STXBP4: variants seen among roughly 807,000 people sequenced by gnomAD.
STXBP4 encodes syntaxin binding protein 4.
STXBP4 carries 55 observed loss-of-function variants against 76.1 expected under a neutral mutation model. The ratio of observed to expected loss-of-function variants is 0.72; its 90% confidence interval spans 0.58 to 0.91. STXBP4 has a LOEUF of 0.91. Ranked by LOEUF, STXBP4 falls within the 40% of genes least tolerant of loss-of-function variation. The pLI is 0.00. For synonymous variants in STXBP4, 201 were observed against 220.2 expected (o/e 0.91, Z 0.77); for missense variants, 618 against 636.9 (o/e 0.97, Z 0.32).
intron 8 of STXBP4, among the ~76,000 whole-genome samples, chr17:55,029,873 T>A (rs2078476400): frequency 6.6e-6 from 1 of 152,176 alleles, no homozygotes. Context: ...CATAGTTTAG[T>A]GGCTGACAAA....
At chr17:55,086,725 A>G (rs767923555) in intron 16 of STXBP4, among the ~76,000 whole-genome samples, 6 of 152,200 alleles carry the variant, frequency 3.9e-5, no homozygotes, top group Non-Finnish European at 7.3e-5. Context: ...GTGCTGCAAT[A>G]CACATGGCAG....
intron 10 of STXBP4, among the ~76,000 whole-genome samples, chr17:55,036,524 T>A (rs1475637631): frequency 6.6e-6 from 1 of 151,850 alleles, no homozygotes; most frequent in African/African-American, 2.4e-5. Context: ...ACAACCTTGT[T>A]ATACCCATTT....
At chr17:55,029,417 T>G (rs1053592788) in intron 8 of STXBP4, among the ~76,000 whole-genome samples, 3 of 152,024 alleles carry the variant, frequency 2.0e-5, no homozygotes, top group Non-Finnish European at 2.9e-5. Flanking sequence ...TAGTTTTATT[T>G]ATTGAAAATA....
chr17:55,061,711 T>C (rs1328738921), intron 12 of STXBP4, among the ~76,000 whole-genome samples: 3 of 152,248 alleles, frequency 2.0e-5, no homozygotes, highest in African/African-American at 7.2e-5. Context: ...TTCAAGAATA[T>C]TGTATAAATG....
intron 12 of STXBP4, among the ~76,000 whole-genome samples, chr17:55,054,421 G>A (rs2078899106): frequency 6.6e-6 from 1 of 152,038 alleles, no homozygotes; most frequent in Middle Eastern, 3.4e-3. Flanking sequence ...CTTGGGAGGT[G>A]GAGGCTGCAG....
At chr17:55,061,951 A>G (rs976444888) in intron 12 of STXBP4, among the ~76,000 whole-genome samples, 4 of 152,140 alleles carry the variant, frequency 2.6e-5, no homozygotes, top group Admixed American at 2.6e-4. Flanking sequence ...AGGTTGGATA[A>G]AGAGTGCATT....
chr17:55,195,353 A>G, the STXBP4 span, among the ~76,000 whole-genome samples: 1 of 152,218 alleles, frequency 6.6e-6, no homozygotes, highest in South Asian at 2.1e-4. Flanking sequence ...CCCAAATGGG[A>G]ACATTGTTTC....
chr17:55,168,012 A>AT lies in STXBP4; in HGVS notation c.*8103dup, dbSNP rs1250348205. 6.6e-6 allele frequency: 1 copy of AT among 152,206 alleles called. No homozygotes were observed. Among genetic ancestry groups the AT allele is most frequent in the African/African-American group, 2.4e-5 (1 of 41,460 alleles). The allele number at this position is 152,206 out of a possible 1,614,324, so 9.4% of individuals were successfully genotyped here. A position where few individuals can be genotyped will look rare whatever the true frequency, so the allele number is the denominator to read the frequency against. On this transcript the variant is annotated 3_prime_UTR_variant, in exon 18 of 18. Coordinates refer to ENST00000376352, the MANE Select transcript of STXBP4 (RefSeq NM_178509.6). ...TTCTATTTCTTTAGGCAGTTTTATC[A>AT]TTCAGAGAAGTAATCTATGCATTTA...
intron 4 of STXBP4, among the ~76,000 whole-genome samples, chr17:54,996,477 A>G (rs1344475512): frequency 6.6e-6 from 1 of 152,066 alleles, no homozygotes; most frequent in Non-Finnish European, 1.5e-5. Flanking sequence ...CTAATGAGTA[A>G]TATAATTAAA....
chr17:55,007,814 T>A (rs1444173748), intron 8 of STXBP4, among the ~76,000 whole-genome samples: 2 of 152,198 alleles, frequency 1.3e-5, no homozygotes, highest in Non-Finnish European at 2.9e-5. Flanking sequence ...AAATCTTTCA[T>A]AACTAAATTG....
intron 12 of STXBP4, among the ~76,000 whole-genome samples, chr17:55,069,613 G>A (rs901532628): frequency 2.0e-5 from 3 of 152,134 alleles, no homozygotes; most frequent in Admixed American, 6.6e-5. Flanking sequence ...TGGTAACTGG[G>A]CTAGAACTTT....
intron 16 of STXBP4, among the ~76,000 whole-genome samples, chr17:55,139,576 A>G (rs1387928223): frequency 6.6e-6 from 1 of 152,166 alleles, no homozygotes; most frequent in Non-Finnish European, 1.5e-5. Flanking sequence ...GAAGATGCAG[A>G]AAGTGTGAAG....
intron 12 of STXBP4, among the ~76,000 whole-genome samples, chr17:55,052,691 C>G (rs2078873306): frequency 6.6e-6 from 1 of 151,660 alleles, no homozygotes; most frequent in Non-Finnish European, 1.5e-5. Context: ...CAGAAAACAC[C>G]TTGACTAAAT....
intron 16 of STXBP4, among the ~76,000 whole-genome samples, chr17:55,109,801 C>A (rs1480059549): frequency 6.6e-6 from 1 of 151,870 alleles, no homozygotes; most frequent in African/African-American, 2.4e-5. Flanking sequence ...CCATGGCTGG[C>A]TAATTTTGTG....
intron 4 of STXBP4, among the ~76,000 whole-genome samples, chr17:54,997,552 A>ATAAATATATATATTATATAATG: frequency 6.8e-6 from 1 of 146,002 alleles, no homozygotes; most frequent in East Asian, 2.0e-4. Flanking sequence ...TATATATAAT[A>ATAAATATATATATTATATAATG]TAAATATATA....
chr17:55,029,595 TGAC>T (rs2078471708), intron 8 of STXBP4, among the ~76,000 whole-genome samples: 1 of 151,258 alleles, frequency 6.6e-6, no homozygotes, highest in Non-Finnish European at 1.5e-5. Context: ...TGCAAATACT[TGAC>T]TACTATACGA....
intron 16 of STXBP4, among the ~76,000 whole-genome samples, chr17:55,087,396 T>G (rs1003360298): frequency 6.6e-6 from 1 of 152,174 alleles, no homozygotes; most frequent in South Asian, 2.1e-4. Context: ...AGTAGTTTTA[T>G]ATTCAGATCT....
the STXBP4 span, among the ~76,000 whole-genome samples, chr17:55,185,288 CT>C: frequency 6.2e-5 from 7 of 113,806 alleles, no homozygotes; most frequent in Admixed American, 9.1e-5. Flanking sequence ...TCTCCTTCTC[CT>C]TCTCCTTCTC....
intron 1 of STXBP4, among the ~76,000 whole-genome samples, chr17:54,974,707 G>A (rs2077444966): frequency 1.3e-5 from 2 of 152,182 alleles, no homozygotes; most frequent in African/African-American, 4.8e-5. Flanking sequence ...GAATTCCAGG[G>A]CAAGCTGGTG....
Sources: gnomAD v4.1 joint callset for allele counts (sites outside exome capture counted in the v4.1 genomes callset) on GRCh38, gnomAD v4.1.1 for gene constraint, MANE v1.5 for transcripts, NCBI Gene and HGNC (gene_info 2026-07-23, HGNC 2026-07-21) for gene names.